DDX51: variants seen among roughly 807,000 people sequenced by gnomAD.
DDX51 encodes the protein DEAD-box helicase 51, also known as ATP-dependent RNA helicase DDX51.
Under a neutral mutation model 74.6 loss-of-function variants are expected in DDX51, and 67 were observed. The observed-to-expected ratio is 0.90, with a 90% CI of 0.74 to 1.10. The LOEUF (loss-of-function observed/expected upper bound fraction) is 1.10. Among genes scored for constraint, DDX51 ranks in the 50% least tolerant of loss-of-function variants. The probability of loss-of-function intolerance (pLI) is 0.00; values close to 1 mark genes in which losing one functional copy is unlikely to be tolerated. For synonymous variants in DDX51, 545 were observed against 402.9 expected (o/e 1.35, Z -4.22); for missense variants, 1,056 against 905.2 (o/e 1.17, Z -2.14).
intron 11 of DDX51, 61 bp from the exon 12 acceptor site, chr12:132,140,260 G>T (rs531553661): frequency 6.3e-7 from 1 of 1,580,514 alleles, no homozygotes; most frequent in East Asian, 2.2e-5. Flanking sequence ...TGGCAGCACC[G>T]GCCCTGCGGG....
chr12:132,140,936 G>T lies in DDX51; in HGVS notation c.1335C>A (p.Gly445=). The T allele has an allele frequency of 6.2e-7, 1 of 1,613,282 alleles. No homozygotes were observed. Among genetic ancestry groups the T allele is most frequent in the Non-Finnish European group, 8.5e-7 (1 of 1,179,930 alleles). Residue 445 remains glycine, a synonymous_variant, in exon 9 of 15, where the codon GGC becomes GGA. Coordinates refer to ENST00000397333, the MANE Select transcript of DDX51 (RefSeq NM_175066.4). ...TQNPEKLQQL[G]LHQPRLFSTG... ...TGGAGAAAAGCCGGGGCTGGTGGAG[G>T]CCCAGCTGCTGCAGCTTTTCAGGGT...
At chr12:132,141,246 G>A (rs1897446762) in intron 8 of DDX51, 29 bp downstream of exon 8, 6 of 1,572,128 alleles carry the variant, frequency 3.8e-6, no homozygotes, top group Non-Finnish European at 4.3e-6. Context: ...GCTCAGGGGA[G>A]GCCAGCACCT....
chr12:132,142,450 C>G, intron 3 of DDX51, 28 bp from the exon 4 acceptor site: 3 of 1,605,862 alleles, frequency 1.9e-6, no homozygotes. Flanking sequence ...AGAGAGAAGT[C>G]GTGTTTACGC....
Position 132,139,775 on chromosome 12 carries a change from G to A in DDX51, c.1840-6C>T, listed in dbSNP as rs754038692. The A allele has an allele frequency of 6.8e-6, 11 of 1,613,014 alleles. No homozygotes were observed. Among genetic ancestry groups the A allele is most frequent in the African/African-American group, 2.7e-5 (2 of 74,922 alleles). On this transcript the variant is annotated splice_region_variant and splice_polypyrimidine_tract_variant and intron_variant, in intron 13 of 14. Transcript: ENST00000397333. ...ATTCGGAGGAATCTCCTCTCCTGGAGAGAAGCTCATGGTGGAAGGGGGTTC... is the reference window on the plus strand; with the variant it reads ...ATTCGGAGGAATCTCCTCTCCTGGAAAGAAGCTCATGGTGGAAGGGGGTTC...
Position 132,143,834 on chromosome 12 carries a change from C to T in DDX51, c.380G>A (p.Ser127Asn). 1 of 1,499,390 alleles carries T rather than the reference C, an allele frequency of 6.7e-7. No individual in the cohort carries two copies. Among genetic ancestry groups the T allele is most frequent in the Non-Finnish European group, 8.8e-7 (1 of 1,139,728 alleles). The allele number at this position is 1,499,390 out of a possible 1,614,324, so 92.9% of individuals were successfully genotyped here. ...GCGCTCCCCCGGCGCCTCCTCGCTG[C>T]TCCCTGCGCTGGGCTCCCCTGGCGC... ...EEAPGEPSAG[S>N]SEEAPGERST... Residue 127 changes from serine to asparagine, a missense_variant, in exon 2 of 15, where the codon AGC becomes AAC. By Grantham distance (46) the Ser-to-Asn change is conservative. Transcript: ENST00000397333.
chr12:132,141,707 G>A, intron 6 of DDX51, 101 bp from the exon 7 acceptor site: 1 of 1,469,164 alleles, frequency 6.8e-7, no homozygotes. Flanking sequence ...CCCCACATGG[G>A]AAGGGGGCCG....
rs770276866 is a variant in DDX51, at chr12:132,140,911, T to A, written c.1360A>T (p.Thr454Ser). The A allele has an allele frequency of 6.2e-7, 1 of 1,613,316 alleles. No individual in the cohort carries two copies. Among genetic ancestry groups the A allele is most frequent in the Non-Finnish European group, 8.5e-7 (1 of 1,179,914 alleles). The change falls in exon 9 of 15, where the codon ACA becomes TCA. Residue 454 changes from threonine to serine, a missense_variant. Coordinates refer to ENST00000397333, the MANE Select transcript of DDX51 (RefSeq NM_175066.4). ...LGLHQPRLFS[T>S]GLAHRGLEDT... is the part of the protein sequence containing the mutation. ...TCCAGGCCCCTGTGTGCTAGCCCTGTGGAGAAAAGCCGGGGCTGGTGGAGG... is the reference window on the plus strand; with the variant it reads ...TCCAGGCCCCTGTGTGCTAGCCCTGAGGAGAAAAGCCGGGGCTGGTGGAGG...
At position 132,143,811 on chromosome 12, in the gene DDX51, G is replaced by A. The variant is rs1220934153; in HGVS notation, c.403C>T (p.Arg135Cys). 1 of 1,525,902 alleles carries A rather than the reference G, an allele frequency of 6.6e-7. No individual in the cohort carries two copies. Among genetic ancestry groups the A allele is most frequent in the Non-Finnish European group, 8.8e-7 (1 of 1,142,680 alleles). 94.5% of individuals were successfully genotyped at this position (1,525,902 alleles called of 1,614,324 possible). Residue 135 changes from arginine (R) to cysteine (C), a missense_variant, in exon 2 of 15, where the codon CGC becomes TGC. Transcript: ENST00000397333. The stretch of plus-strand genomic sequence containing the variant: ...GCCTCGGCGCTGGCGCTGGTGCTGC[G>A]CTCCCCCGGCGCCTCCTCGCTGCTC... ...AGSSEEAPGE[R>C]STSASAEAAP...
In DDX51 at chr12:132,143,839, T is replaced by G; in HGVS notation, c.375A>C (p.Ala125=). ...SSEEAPGEPS[A]GSSEEAPGER... ...CCCCCGGCGCCTCCTCGCTGCTCCC[T>G]GCGCTGGGCTCCCCTGGCGCCTCCT... The change falls in exon 2 of 15, where the codon GCA becomes GCC. Residue 125 remains alanine (A), a synonymous_variant. Transcript: ENST00000397333. The G allele has an allele frequency of 1.3e-6, 2 of 1,498,772 alleles. No individual in the cohort carries two copies. Among genetic ancestry groups the G allele is most frequent in the Non-Finnish European group, 1.8e-6 (2 of 1,139,702 alleles). 92.8% of individuals were successfully genotyped at this position (1,498,772 alleles called of 1,614,324 possible).
In DDX51 at chr12:132,140,898, T is replaced by C; in HGVS notation, c.1373A>G (p.His458Arg). 1 of 1,613,446 alleles carries C rather than the reference T, an allele frequency of 6.2e-7. No individual in the cohort carries two copies. Among genetic ancestry groups the C allele is most frequent in the Non-Finnish European group, 8.5e-7 (1 of 1,179,952 alleles). ...CCCATCTGTATCTTCCAGGCCCCTG[T>C]GTGCTAGCCCTGTGGAGAAAAGCCG... ...QPRLFSTGLA[H>R]RGLEDTDGDG... is the part of the protein sequence containing the mutation. The change falls in exon 9 of 15, where the codon CAC becomes CGC. Residue 458 changes from histidine (H) to arginine (R), a missense_variant. By Grantham distance (29) the His-to-Arg change is conservative. Coordinates refer to ENST00000397333, the MANE Select transcript of DDX51 (RefSeq NM_175066.4).
chr12:132,141,306 G>T lies in DDX51; in HGVS notation c.1219C>A (p.Arg407=). ...GCTGTCACAGCCTGGGCCTGCCTTCGCTGGAGCAGGGCACAGGGGTCCGCG... is the reference window on the plus strand; with the variant it reads ...GCTGTCACAGCCTGGGCCTGCCTTCTCTGGAGCAGGGCACAGGGGTCCGCG... The part of the protein sequence containing the change: ...DPADPCALLQ[R]RQAQAVTAAS... Residue 407 remains arginine, a synonymous_variant, in exon 8 of 15, where the codon CGA becomes AGA. Transcript: ENST00000397333. 6.3e-7 allele frequency: 1 copy of T among 1,597,608 alleles called. No individual in the cohort carries two copies. The highest frequency in any genetic ancestry group is 1.1e-5 in the South Asian group (1 of 90,934).
chr12:132,139,498 G>A (rs758671050), intron 14 of DDX51, 137 bp downstream of exon 14: 39 of 1,572,842 alleles, frequency 2.5e-5, no homozygotes, highest in Non-Finnish European at 3.2e-5. Flanking sequence ...TGGGCCAGAA[G>A]CTCGAGGACA....
At position 132,139,140 on chromosome 12, in the gene DDX51, C is replaced by T. The variant is rs1273455990; in HGVS notation, c.*132G>A. 3.6e-6 allele frequency: 5 copies of T among 1,387,546 alleles called. No homozygotes were observed. The highest frequency in any genetic ancestry group is 2.5e-5 in the East Asian group (1 of 39,638). 86.0% of individuals were successfully genotyped at this position (1,387,546 alleles called of 1,614,324 possible). On this transcript the variant is annotated 3_prime_UTR_variant, in exon 15 of 15. Transcript: ENST00000397333. Reference sequence around the variant, plus strand: ...CCCGGGCTGCCTGGCGCAGAGACCACGTGCTTGGGGAGGAAGGCTGTGTCC... The same window carrying T: ...CCCGGGCTGCCTGGCGCAGAGACCATGTGCTTGGGGAGGAAGGCTGTGTCC...
rs561147140 is a variant in DDX51, at chr12:132,142,548, G to A, written c.671-126C>T. The stretch of plus-strand genomic sequence containing the variant: ...CTGGGAACCGCTCCCCAGAGGGATG[G>A]CACCAAGGCCCAGAGGAACGCCAGC... On this transcript the variant is annotated intron_variant, in intron 3 of 14. Transcript: ENST00000397333. The A allele has an allele frequency of 9.5e-6, 14 of 1,480,026 alleles. No homozygotes were observed. The South Asian group carries it at 1.5e-4, about 16-fold the overall frequency. The allele number at this position is 1,480,026 out of a possible 1,614,324, so 91.7% of individuals were successfully genotyped here. A position where few individuals can be genotyped will look rare whatever the true frequency, so the allele number is the denominator to read the frequency against.
intron 3 of DDX51, 137 bp from the exon 4 acceptor site, chr12:132,142,559 C>T: frequency 6.8e-7 from 1 of 1,471,860 alleles, no homozygotes; most frequent in East Asian, 2.4e-5. Context: ...CACCAAGGCC[C>T]AGAGGAACGC....
rs1008480235 is a variant in DDX51 at position 132,144,003 on chromosome 12, G to A, written c.294C>T (p.Asp98=). ...CGCCCCGCGGCCCACCTGCGCCCGCGTCCTCGCCGTCCGCCTTCCGTCGCT... is the reference window on the plus strand; with the variant it reads ...CGCCCCGCGGCCCACCTGCGCCCGCATCCTCGCCGTCCGCCTTCCGTCGCT... The part of the protein sequence containing the change: ...QGKRRKADGE[D]AGAESNEEAP... The change falls in exon 1 of 15, where the codon GAC becomes GAT. Residue 98 remains aspartate, a synonymous_variant. Transcript: ENST00000397333. The A allele has an allele frequency of 5.1e-6, 7 of 1,380,080 alleles. No homozygotes were observed. The highest frequency in any genetic ancestry group is 1.7e-5 in the South Asian group (1 of 60,262). 85.5% of individuals were successfully genotyped at this position (1,380,080 alleles called of 1,614,324 possible).
At position 132,141,365 on chromosome 12, in the gene DDX51, C is replaced by T. The variant is rs764461438; in HGVS notation, c.1160G>A (p.Arg387Gln). Residue 387 changes from arginine to glutamine, a missense_variant, in exon 8 of 15, where the codon CGG becomes CAG. Coordinates refer to ENST00000397333, the MANE Select transcript of DDX51 (RefSeq NM_175066.4). ...IDSMHQSWLP[R>Q]VVAAAFQSED... ...GCTCTGGAAGGCGGCCGCCACCACC[C>T]GCGGCAGCCAGGACTGATGCATGCT... 26 of 1,598,370 alleles carry T rather than the reference C, an allele frequency of 1.6e-5. No homozygotes were observed. Among genetic ancestry groups the T allele is most frequent in the African/African-American group, 6.7e-5 (5 of 74,910 alleles).
At chr12:132,141,466 T>C in intron 7 of DDX51, 32 bp downstream of exon 7, 2 of 1,581,358 alleles carry the variant, frequency 1.3e-6, no homozygotes, top group Non-Finnish European at 1.7e-6. Flanking sequence ...GGCCCTGAGC[T>C]CAAAGCCCAG....
In DDX51 at chr12:132,142,867, G is replaced by T. The variant is rs747051156; in HGVS notation, c.531C>A (p.Phe177Leu). 2.5e-6 allele frequency: 4 copies of T among 1,612,756 alleles called. No individual in the cohort carries two copies. The Admixed American group carries it at 5.0e-5, about 20-fold the overall frequency. The part of the protein sequence containing the change: ...GKRKAPKVQP[F>L]LPRWLAEPNC... ...TAGGCTCAGCCAGCCACCTTGGCAGGAAAGGCTGGACCTGCCATCAAAAAG... is the reference window on the plus strand; with the variant it reads ...TAGGCTCAGCCAGCCACCTTGGCAGTAAAGGCTGGACCTGCCATCAAAAAG... Residue 177 changes from phenylalanine (F) to leucine (L), a missense_variant, in exon 3 of 15, where the codon TTC (phenylalanine) becomes TTA (leucine). Phe to Leu is a conservative substitution (Grantham distance 22). Transcript: ENST00000397333.
Sources: gnomAD v4.1 joint callset for allele counts on GRCh38, gnomAD v4.1.1 for gene constraint, MANE v1.5 for transcripts, NCBI Gene and HGNC (gene_info 2026-07-23, HGNC 2026-07-21) for gene names.